DOK6: variants seen among roughly 807,000 people sequenced by gnomAD.
DOK6 encodes the protein docking protein 6.
DOK6 carries 22 observed loss-of-function variants against 44.0 expected under a neutral mutation model. That is an observed-to-expected ratio of 0.50 (90% CI 0.36 to 0.71). The LOEUF (loss-of-function observed/expected upper bound fraction) is 0.71. Ranked by LOEUF, DOK6 falls within the 30% of genes least tolerant of loss-of-function variation. DOK6 has a pLI of 0.00. For synonymous variants in DOK6, 166 were observed against 145.5 expected (o/e 1.14, Z -1.01); for missense variants, 340 against 416.4 (o/e 0.82, Z 1.60).
chr18:69,743,691 T>C (rs1978878765), intron 6 of DOK6, among the ~76,000 whole-genome samples: 1 of 152,072 alleles, frequency 6.6e-6, no homozygotes, highest in Non-Finnish European at 1.5e-5. Flanking sequence ...TTTTTTCTGC[T>C]ATATCCAAAA....
chr18:69,773,027 C>G (rs117217078), intron 7 of DOK6, among the ~76,000 whole-genome samples: 3,498 of 151,962 alleles, frequency 0.023, 65 homozygotes, highest in South Asian at 0.047. Context: ...ATTTTTAAAA[C>G]AGCAAAGGAC....
At chr18:69,605,762 C>T (rs1252777830) in intron 3 of DOK6, among the ~76,000 whole-genome samples, 5 of 151,964 alleles carry the variant, frequency 3.3e-5, no homozygotes, top group African/African-American at 1.2e-4. Flanking sequence ...AGAACATCTG[C>T]AGAAACCTAC....
chr18:69,812,354 C>T (rs967601126), intron 7 of DOK6, among the ~76,000 whole-genome samples: 9 of 152,084 alleles, frequency 5.9e-5, no homozygotes, highest in South Asian at 2.1e-4. Context: ...CATCCAACAC[C>T]CTTTTCTGTG....
At chr18:69,475,924 A>G (rs753626711) in intron 1 of DOK6, among the ~76,000 whole-genome samples, 1 of 152,150 alleles carries the variant, frequency 6.6e-6, no homozygotes, top group Non-Finnish European at 1.5e-5. Flanking sequence ...TAAGGGGTAC[A>G]TGTGTAAGTT....
intron 4 of DOK6, among the ~76,000 whole-genome samples, chr18:69,680,633 A>G (rs1986023645): frequency 6.6e-6 from 1 of 152,184 alleles, no homozygotes; most frequent in African/African-American, 2.4e-5. Flanking sequence ...AGAGATTGGC[A>G]CAATTTCTTA....
At chr18:69,412,958 T>C (rs1978312646) in intron 1 of DOK6, among the ~76,000 whole-genome samples, 1 of 152,124 alleles carries the variant, frequency 6.6e-6, no homozygotes, top group African/African-American at 2.4e-5. Context: ...TAGTCATTTC[T>C]ACTGGATCAA....
At chr18:69,689,774 T>A (rs1435527063) in intron 4 of DOK6, among the ~76,000 whole-genome samples, 1 of 152,174 alleles carries the variant, frequency 6.6e-6, no homozygotes, top group Non-Finnish European at 1.5e-5. Context: ...GAGCTAAAAA[T>A]TGGTTATTTT....
intron 3 of DOK6, among the ~76,000 whole-genome samples, chr18:69,635,468 C>T (rs190715650): frequency 2.2e-4 from 33 of 152,264 alleles, no homozygotes; most frequent in African/African-American, 7.9e-4. Flanking sequence ...TAAAGTAGTA[C>T]CACTTATGCC....
chr18:69,428,643 C>G (rs910354243), intron 1 of DOK6, among the ~76,000 whole-genome samples: 5 of 152,086 alleles, frequency 3.3e-5, no homozygotes, highest in Admixed American at 1.3e-4. Flanking sequence ...CCTCTGATAG[C>G]TCACTTGCTG....
Position 69,821,532 on chromosome 18 carries a change from A to G in DOK6, c.857-19712A>G, listed in dbSNP as rs140575527. 5.9e-5 allele frequency among the ~76,000 whole-genome samples: 9 copies of G among 152,232 alleles called. No individual in the cohort carries two copies. The East Asian group carries it at 9.6e-4, about 16-fold the overall frequency. ...TATTTTCCATCTTTAAAAGTACCCTATTGTGGTATAGCAGTAGTCTCGTAG... is the reference window on the plus strand; with the variant it reads ...TATTTTCCATCTTTAAAAGTACCCTGTTGTGGTATAGCAGTAGTCTCGTAG... On this transcript the variant is annotated intron_variant, in intron 7 of 7. Coordinates refer to ENST00000382713, the MANE Select transcript of DOK6 (RefSeq NM_152721.6).
chr18:69,724,336 A>C (rs1473418865), intron 5 of DOK6, among the ~76,000 whole-genome samples: 1 of 152,232 alleles, frequency 6.6e-6, no homozygotes, highest in East Asian at 1.9e-4. Context: ...ATTGCTTAGG[A>C]GCAGACAATC....
chr18:69,507,531 T>G (rs1257320238), intron 1 of DOK6, among the ~76,000 whole-genome samples: 1 of 152,104 alleles, frequency 6.6e-6, no homozygotes, highest in Non-Finnish European at 1.5e-5. Flanking sequence ...GAAGACTATA[T>G]ATACCTTAAT....
chr18:69,618,290 A>G (rs1276729126), intron 3 of DOK6, among the ~76,000 whole-genome samples: 1 of 152,224 alleles, frequency 6.6e-6, no homozygotes, highest in East Asian at 1.9e-4. Context: ...TTCCGAATCA[A>G]TTGTTCCTTG....
At chr18:69,628,534 A>T (rs530571889) in intron 3 of DOK6, among the ~76,000 whole-genome samples, 23 of 152,260 alleles carry the variant, frequency 1.5e-4, no homozygotes, top group African/African-American at 5.1e-4. Flanking sequence ...GAATAAACAG[A>T]GTAGGACAAT....
chr18:69,469,754 GC>G, intron 1 of DOK6: 1 of 250,850 alleles, frequency 4.0e-6, no homozygotes, highest in Non-Finnish European at 8.3e-6. Flanking sequence ...AGGCCAGGAC[GC>G]CATCGGCGAG....
intron 6 of DOK6, among the ~76,000 whole-genome samples, chr18:69,752,337 G>C (rs1195902673): frequency 1.3e-5 from 2 of 152,062 alleles, no homozygotes; most frequent in East Asian, 3.9e-4. Context: ...TGACTTTTTA[G>C]GGGAACAACG....
At chr18:69,706,997 G>A (rs1410887834) in intron 5 of DOK6, among the ~76,000 whole-genome samples, 1 of 151,872 alleles carries the variant, frequency 6.6e-6, no homozygotes, top group Non-Finnish European at 1.5e-5. Flanking sequence ...ATAAACATAC[G>A]TGTGCATGTG....
chr18:69,585,576 C>A (rs1470480187), intron 2 of DOK6, among the ~76,000 whole-genome samples: 1 of 152,196 alleles, frequency 6.6e-6, no homozygotes, highest in Non-Finnish European at 1.5e-5. Flanking sequence ...TACTGCTTAA[C>A]TTCCTTGTCG....
intron 7 of DOK6, among the ~76,000 whole-genome samples, chr18:69,787,093 G>A (rs1240724398): frequency 1.3e-5 from 2 of 152,134 alleles, no homozygotes; most frequent in Non-Finnish European, 2.9e-5. Context: ...GTGCATGCCT[G>A]TAAACCCAGC....
Sources: gnomAD v4.1 joint callset for allele counts (sites outside exome capture counted in the v4.1 genomes callset) on GRCh38, gnomAD v4.1.1 for gene constraint, MANE v1.5 for transcripts, NCBI Gene and HGNC (gene_info 2026-07-23, HGNC 2026-07-21) for gene names.